Variants in DPP10 observed in about 807,000 individuals in gnomAD.
The protein encoded by DPP10 is dipeptidyl peptidase like 10, also known as inactive dipeptidyl peptidase 10.
In DPP10, 33 loss-of-function variants were observed where a neutral mutation model predicts 120.9. The ratio of observed to expected loss-of-function variants is 0.27; its 90% CI spans 0.21 to 0.37. The LOEUF (loss-of-function observed/expected upper bound fraction) is 0.37. DPP10 is among the 10% of genes least tolerant of loss of function. DPP10 has a pLI of 1.00. For missense variants in DPP10, 816 were observed against 942.8 expected, an observed-to-expected ratio of 0.87 and a Z score of 1.76; for synonymous variants, 337 against 326.1, an observed-to-expected ratio of 1.03 and a Z score of -0.36.
In DPP10 at chr2:114,613,167, A is replaced by G. The variant is rs376708451; in HGVS notation, c.60+170329A>G. Among the ~76,000 whole-genome samples, 7 of 152,300 alleles carry G rather than the reference A, an allele frequency of 4.6e-5. No homozygotes were observed. In the South Asian group the frequency reaches 1.4e-3, roughly 32 times the overall value. On this transcript the variant is annotated intron_variant, in intron 1 of 25. Coordinates refer to ENST00000410059, the MANE Select transcript of DPP10 (RefSeq NM_020868.6). ...GTAAAATAAATTTTTAGAGGCTTTGATATTCCATTTTTAAGCATCCAATCT... is the reference window on the plus strand; with the variant it reads ...GTAAAATAAATTTTTAGAGGCTTTGGTATTCCATTTTTAAGCATCCAATCT...
chr2:115,627,852 A>T (rs1465823022), intron 5 of DPP10, among the ~76,000 whole-genome samples: 2 of 152,184 alleles, frequency 1.3e-5, no homozygotes, highest in Admixed American at 1.3e-4. Flanking sequence ...CTGCAAAGAC[A>T]TGATCTCCTT....
intron 9 of DPP10, among the ~76,000 whole-genome samples, chr2:115,741,477 AT>A (rs1203613363): frequency 1.3e-5 from 2 of 148,698 alleles, no homozygotes; most frequent in South Asian, 2.1e-4. Flanking sequence ...TACCAGCACT[AT>A]TTTTTCCCCC....
chr2:115,455,942 G>T (rs1322980879), intron 3 of DPP10, among the ~76,000 whole-genome samples: 2 of 152,024 alleles, frequency 1.3e-5, no homozygotes, highest in Admixed American at 1.3e-4. Context: ...AAAAGCAATG[G>T]CAACAAAAGC....
At chr2:114,718,529 A>G (rs942105022) in intron 1 of DPP10, among the ~76,000 whole-genome samples, 13 of 152,026 alleles carry the variant, frequency 8.6e-5, no homozygotes, top group Non-Finnish European at 1.9e-4. Flanking sequence ...CATCACAGAT[A>G]GTTAGTTCTA....
At chr2:115,553,413 C>T (rs1558839252) in intron 5 of DPP10, among the ~76,000 whole-genome samples, 1 of 151,998 alleles carries the variant, frequency 6.6e-6, no homozygotes, top group Non-Finnish European at 1.5e-5. Flanking sequence ...AGTATATTAA[C>T]ATATATTAAT....
chr2:115,321,894 T>A (rs184947332), intron 2 of DPP10, among the ~76,000 whole-genome samples: 19 of 152,336 alleles, frequency 1.2e-4, no homozygotes, highest in African/African-American at 4.1e-4. Flanking sequence ...TAATACTTTT[T>A]ATCTCTTTAT....
intron 1 of DPP10, among the ~76,000 whole-genome samples, chr2:114,533,844 C>T (rs1329413478): frequency 3.3e-5 from 5 of 152,104 alleles, no homozygotes; most frequent in African/African-American, 1.2e-4. Flanking sequence ...AATTCCTTAT[C>T]CCCTCATTTG....
chr2:114,476,247 A>T (rs1271934945), intron 1 of DPP10, among the ~76,000 whole-genome samples: 1 of 152,212 alleles, frequency 6.6e-6, no homozygotes, highest in Non-Finnish European at 1.5e-5. Flanking sequence ...TAAGTACAGA[A>T]CACTAAAGAA....
At chr2:115,014,847 T>A (rs1573308522) in intron 1 of DPP10, among the ~76,000 whole-genome samples, 1 of 119,982 alleles carries the variant, frequency 8.3e-6, no homozygotes, top group Non-Finnish European at 1.7e-5. Context: ...AGGCAATAAT[T>A]AATAGCCTAC....
intron 1 of DPP10, among the ~76,000 whole-genome samples, chr2:114,966,244 A>G (rs183255007): frequency 3.4e-4 from 51 of 152,150 alleles, no homozygotes; most frequent in African/African-American, 1.2e-3. Flanking sequence ...TCTTGCCCAA[A>G]CTCACGTTAA....
chr2:115,501,418 G>A (rs2076678968), intron 4 of DPP10, among the ~76,000 whole-genome samples: 1 of 151,938 alleles, frequency 6.6e-6, no homozygotes, highest in Non-Finnish European at 1.5e-5. Flanking sequence ...TTTTCTCCAT[G>A]TGCTAATTAT....
intron 21 of DPP10, among the ~76,000 whole-genome samples, chr2:115,821,890 GAGT>G (rs1687855132): frequency 6.6e-6 from 1 of 151,890 alleles, no homozygotes; most frequent in East Asian, 1.9e-4. Flanking sequence ...AAATACATAA[GAGT>G]AGAATTGTTA....
chr2:115,167,363 G>C (rs1315444222), intron 1 of DPP10, among the ~76,000 whole-genome samples: 1 of 151,510 alleles, frequency 6.6e-6, no homozygotes, highest in Non-Finnish European at 1.5e-5. Flanking sequence ...TTCTAGACCA[G>C]CGTGGGCAAC....
At chr2:115,101,851 G>C (rs902172446) in intron 1 of DPP10, among the ~76,000 whole-genome samples, 1 of 152,146 alleles carries the variant, frequency 6.6e-6, no homozygotes, top group Non-Finnish European at 1.5e-5. Flanking sequence ...TGCTACTCTA[G>C]TTCAGTTAAT....
chr2:114,699,292 C>CGTGT (rs5833558), intron 1 of DPP10, among the ~76,000 whole-genome samples: 12 of 148,982 alleles, frequency 8.1e-5, no homozygotes, highest in East Asian at 2.0e-4. Flanking sequence ...TATACATATG[C>CGTGT]GTGTGTGTGT....
At position 115,716,024 on chromosome 2, in the gene DPP10, C is replaced by T. The variant is rs975446873; in HGVS notation, c.577-11792C>T. On this transcript the variant is annotated intron_variant, in intron 7 of 25. Transcript: ENST00000410059. The stretch of plus-strand genomic sequence containing the variant: ...GGCAAGTGAATGCGGTTCACTAAGG[C>T]GGAAGCTGCCTTTTAGAAGGATTAA... 5.9e-5 allele frequency among the ~76,000 whole-genome samples: 9 copies of T among 152,148 alleles called. No homozygotes were observed. The South Asian group carries it at 6.2e-4, about 11-fold the overall frequency.
At chr2:115,390,128 T>A (rs2067225375) in intron 3 of DPP10, among the ~76,000 whole-genome samples, 1 of 152,206 alleles carries the variant, frequency 6.6e-6, no homozygotes, top group Non-Finnish European at 1.5e-5. Context: ...TATCCCCTTG[T>A]AGAGAGATAC....
intron 1 of DPP10, among the ~76,000 whole-genome samples, chr2:115,151,107 A>G (rs950648331): frequency 2.0e-5 from 3 of 152,160 alleles, no homozygotes; most frequent in African/African-American, 7.2e-5. Flanking sequence ...GACCGTTATA[A>G]TTGAAATTCA....
chr2:115,769,563 T>C lies in DPP10; in HGVS notation c.1221+1159T>C, dbSNP rs560233152. ...ACAATTTCCACAGTACAGATGTAGA[T>C]TGATTTTCATAGTATATTATTAAGG... On this transcript the variant is annotated intron_variant, in intron 13 of 25. Transcript: ENST00000410059. Among the ~76,000 whole-genome samples, 31 of 152,154 alleles carry C rather than the reference T, an allele frequency of 2.0e-4. No homozygotes were observed. The East Asian group carries it at 3.7e-3, about 18-fold the overall frequency.
Sources: allele counts gnomAD v4.1 joint callset (sites outside exome capture counted in the v4.1 genomes callset), GRCh38; gene constraint gnomAD v4.1.1; transcripts MANE v1.5; gene names NCBI Gene and HGNC (gene_info 2026-07-23, HGNC 2026-07-21).